SEMA6A: variants seen among roughly 807,000 people sequenced by gnomAD.
SEMA6A encodes the protein semaphorin-6A.
In SEMA6A, 25 loss-of-function variants were observed where a neutral mutation model predicts 96.8. That is an observed-to-expected ratio of 0.26 (90% CI 0.19 to 0.36). The LOEUF is 0.36. SEMA6A is among the 10% of genes least tolerant of loss of function. The pLI is 1.00. For synonymous variants in SEMA6A, 612 were observed against 518.0 expected, an observed-to-expected ratio of 1.18 and a Z score of -2.46; for missense variants, 1,363 against 1,323.1, an observed-to-expected ratio of 1.03 and a Z score of -0.47.
chr5:116,504,921 T>G lies in SEMA6A; in HGVS notation c.24A>C (p.Leu8=), dbSNP rs528896519. MRSEALL[L]YFTLLHFAGA... is the part of the protein sequence containing the mutation. ...CAGCAAAGTGTAGCAGTGTGAAATATAGCAGCAAGGCTTCTGACCTCATAG... is the reference window on the plus strand; with the variant it reads ...CAGCAAAGTGTAGCAGTGTGAAATAGAGCAGCAAGGCTTCTGACCTCATAG... Residue 8 remains leucine (L), a synonymous_variant, in exon 2 of 19, where the codon CTA becomes CTC. Transcript: ENST00000343348. The G allele has an allele frequency of 1.2e-6, 2 of 1,600,930 alleles. No homozygotes were observed.
intron 1 of SEMA6A, among the ~76,000 whole-genome samples, chr5:116,516,205 A>G (rs1561510986): frequency 6.6e-6 from 1 of 152,200 alleles, no homozygotes; most frequent in African/African-American, 2.4e-5. Flanking sequence ...ATATCATTTC[A>G]GGATCTGCTC....
chr5:116,485,281 GACAAA>G (rs2112711831), intron 10 of SEMA6A, among the ~76,000 whole-genome samples: 1 of 152,112 alleles, frequency 6.6e-6, no homozygotes, highest in East Asian at 1.9e-4. Context: ...TAAAAAACAA[GACAAA>G]ACAAACAAAA....
intron 6 of SEMA6A, among the ~76,000 whole-genome samples, chr5:116,493,996 C>A (rs1044451418): frequency 2.0e-5 from 3 of 152,158 alleles, no homozygotes; most frequent in African/African-American, 7.2e-5. Flanking sequence ...TATTTCCTGT[C>A]TGAATTGGTG....
At chr5:116,452,050 C>T (rs959325651) in intron 18 of SEMA6A, among the ~76,000 whole-genome samples, 2 of 152,084 alleles carry the variant, frequency 1.3e-5, no homozygotes, top group African/African-American at 2.4e-5. Flanking sequence ...TCAGATGCTG[C>T]CTGGAAGCCC....
intron 1 of SEMA6A, among the ~76,000 whole-genome samples, chr5:116,530,223 A>C (rs1323171784): frequency 6.6e-6 from 1 of 152,174 alleles, no homozygotes; most frequent in Admixed American, 6.5e-5. Flanking sequence ...CATTACTTTC[A>C]TGCCAACATA....
chr5:116,563,995 A>C (rs1295859163), intron 1 of SEMA6A, among the ~76,000 whole-genome samples: 2 of 151,818 alleles, frequency 1.3e-5, no homozygotes, highest in African/African-American at 4.8e-5. Flanking sequence ...TGTGACACTT[A>C]AAGTGTTTCT....
At chr5:116,540,528 C>G (rs1164698164) in intron 1 of SEMA6A, among the ~76,000 whole-genome samples, 1 of 152,192 alleles carries the variant, frequency 6.6e-6, no homozygotes, top group South Asian at 2.1e-4. Flanking sequence ...ACTGTGAAGT[C>G]TAGAAGACAT....
intron 2 of SEMA6A, 166 bp from the exon 3 acceptor site, chr5:116,502,493 A>G (rs1757933176): frequency 3.3e-6 from 2 of 600,636 alleles, no homozygotes; most frequent in African/African-American, 3.7e-5. Flanking sequence ...AATATGATAG[A>G]AGAGTGCTCC....
Position 116,444,392 on chromosome 5 carries a change from C to T in SEMA6A, c.*2221G>A, listed in dbSNP as rs1206098934. 6.6e-6 allele frequency: 1 copy of T among 152,210 alleles called. No homozygotes were observed. Among genetic ancestry groups the T allele is most frequent in the Non-Finnish European group, 1.5e-5 (1 of 68,036 alleles). The allele number at this position is 152,210 out of a possible 1,614,324, so 9.4% of individuals were successfully genotyped here. The stretch of plus-strand genomic sequence containing the variant: ...GAGGCTCCACTTTTTCACTATCCAA[C>T]TCAAAACTGTCATTGTCAGTCTTTT... On this transcript the variant is annotated 3_prime_UTR_variant, in exon 19 of 19. Transcript: ENST00000343348.
chr5:116,528,227 T>G (rs1277138848), intron 1 of SEMA6A, among the ~76,000 whole-genome samples: 2 of 152,342 alleles, frequency 1.3e-5, no homozygotes, highest in East Asian at 1.9e-4. Flanking sequence ...CATTTCCCAA[T>G]TTCATTCATT....
At chr5:116,545,672 A>C (rs1398560047) in intron 1 of SEMA6A, among the ~76,000 whole-genome samples, 3 of 152,232 alleles carry the variant, frequency 2.0e-5, no homozygotes, top group African/African-American at 4.8e-5. Flanking sequence ...CTTACTGAGA[A>C]AATTAATGTT....
At chr5:116,487,936 G>GA (rs1261634498) in intron 9 of SEMA6A, among the ~76,000 whole-genome samples, 172 bp downstream of exon 9, 1 of 152,136 alleles carries the variant, frequency 6.6e-6, no homozygotes, top group Non-Finnish European at 1.5e-5. Flanking sequence ...AAATACTTAA[G>GA]AAATTTCCTG....
At chr5:116,528,482 T>A (rs1450827789) in intron 1 of SEMA6A, among the ~76,000 whole-genome samples, 1 of 152,154 alleles carries the variant, frequency 6.6e-6, no homozygotes, top group African/African-American at 2.4e-5. Flanking sequence ...ATGAAACAGA[T>A]GACTTTGTAT....
chr5:116,470,989 A>G (rs1756100531), intron 17 of SEMA6A, among the ~76,000 whole-genome samples: 3 of 152,220 alleles, frequency 2.0e-5, no homozygotes, highest in Non-Finnish European at 1.5e-5. Flanking sequence ...AATTAGTGAA[A>G]TCTATTCTGG....
intron 16 of SEMA6A, 24 bp from the exon 17 acceptor site, chr5:116,473,117 G>T: frequency 6.3e-7 from 1 of 1,586,910 alleles, no homozygotes; most frequent in Non-Finnish European, 8.6e-7. Context: ...GGGAGGAGAA[G>T]GTTACTTAAT....
At chr5:116,472,914 T>A (rs1293259548) in intron 17 of SEMA6A, 159 bp downstream of exon 17, 1 of 1,520,476 alleles carries the variant, frequency 6.6e-7, no homozygotes, top group Non-Finnish European at 8.8e-7. Context: ...CATTTCATTA[T>A]CTGGTAGAGG....
intron 1 of SEMA6A, among the ~76,000 whole-genome samples, chr5:116,532,915 AC>A (rs1452248240): frequency 6.6e-6 from 1 of 152,142 alleles, no homozygotes; most frequent in African/African-American, 2.4e-5. Context: ...TAACAGGGAC[AC>A]AGACAGAGAT....
chr5:116,541,526 C>T (rs921269771), intron 1 of SEMA6A, among the ~76,000 whole-genome samples: 1 of 152,110 alleles, frequency 6.6e-6, no homozygotes, highest in African/African-American at 2.4e-5. Context: ...ATTACAAGTT[C>T]AAAGACTAAT....
chr5:116,470,814 T>C (rs1756082961), intron 17 of SEMA6A, among the ~76,000 whole-genome samples: 1 of 152,202 alleles, frequency 6.6e-6, no homozygotes, highest in African/African-American at 2.4e-5. Context: ...ATGCAGAGGA[T>C]ACAGCTAGAA....
Sources: allele counts gnomAD v4.1 joint callset (sites outside exome capture counted in the v4.1 genomes callset), GRCh38; gene constraint gnomAD v4.1.1; transcripts MANE v1.5; gene names NCBI Gene and HGNC (gene_info 2026-07-23, HGNC 2026-07-21).